The following BTF3L4 variants were observed in gnomAD, a reference collection of about 807,000 sequenced individuals.
BTF3L4 encodes the protein transcription factor BTF3 homolog 4.
BTF3L4 carries 6 observed loss-of-function variants against 16.8 expected under a neutral mutation model. The observed-to-expected ratio is 0.36, with a 90% confidence interval of 0.20 to 0.71. BTF3L4 has a LOEUF of 0.71. Among genes scored for constraint, BTF3L4 ranks in the 30% least tolerant of loss-of-function variants. BTF3L4 has a pLI of 0.58. For missense variants in BTF3L4, 92 were observed against 186.9 expected, an observed-to-expected ratio of 0.49 and a Z score of 2.96; for synonymous variants, 39 against 59.8, an observed-to-expected ratio of 0.65 and a Z score of 1.60.
In BTF3L4 at chr1:52,083,556, T is replaced by G; in HGVS notation, c.370+15T>G. The G allele has an allele frequency of 6.2e-7, 1 of 1,600,132 alleles. No individual in the cohort carries two copies. The highest frequency in any genetic ancestry group is 8.6e-7 in the Non-Finnish European group (1 of 1,168,432). Reference sequence around the variant, plus strand: ...CCCACGGCAAGGTAGGTATTTCAATTTAGTAAATCTTTCTCTCCCCACCTT... The same window carrying G: ...CCCACGGCAAGGTAGGTATTTCAATGTAGTAAATCTTTCTCTCCCCACCTT... On this transcript the variant is annotated intron_variant, in intron 4 of 5. Coordinates refer to ENST00000313334, the MANE Select transcript of BTF3L4 (RefSeq NM_152265.5).
intron 2 of BTF3L4, chr1:52,060,675 C>G: frequency 9.9e-7 from 1 of 1,014,238 alleles, no homozygotes; most frequent in Middle Eastern, 2.7e-4. Flanking sequence ...TAGGACACTA[C>G]TTTTTGTAGT....
At chr1:52,083,678 A>T in intron 4 of BTF3L4, 137 bp downstream of exon 4, 2 of 715,258 alleles carry the variant, frequency 2.8e-6, no homozygotes, top group South Asian at 3.9e-5. Flanking sequence ...TCTATGCTTC[A>T]TAAAATTTTG....
In BTF3L4 at chr1:52,083,371, T is replaced by C. The variant is rs754853340; in HGVS notation, c.200T>C (p.Ile67Thr). 11 of 1,613,408 alleles carry C rather than the reference T, an allele frequency of 6.8e-6. No individual in the cohort carries two copies. The African/African-American group carries it at 9.3e-5, about 14-fold the overall frequency. The change falls in exon 4 of 6, where the codon ATT (isoleucine) becomes ACT (threonine). Residue 67 changes from isoleucine to threonine, a missense_variant. Coordinates refer to ENST00000313334, the MANE Select transcript of BTF3L4 (RefSeq NM_152265.5). Reference protein sequence around the residue: ...VNMIKDDGTVIHFNNPKVQAS... With the variant: ...VNMIKDDGTVTHFNNPKVQAS... ...ATGATTAAAGATGATGGGACAGTTA[T>C]TCATTTCAACAATCCCAAAGTCCAA...
At chr1:52,066,224 C>T (rs1184487665) in intron 3 of BTF3L4, among the ~76,000 whole-genome samples, 4 of 152,004 alleles carry the variant, frequency 2.6e-5, no homozygotes, top group Admixed American at 6.6e-5. Flanking sequence ...GACAGAATCT[C>T]ACTCTGTCAC....
At chr1:52,074,325 G>C (rs968048075) in intron 3 of BTF3L4, among the ~76,000 whole-genome samples, 5 of 151,580 alleles carry the variant, frequency 3.3e-5, no homozygotes, top group African/African-American at 1.2e-4. Context: ...AAACTCCCAA[G>C]TAGTAGCCGG....
intron 3 of BTF3L4, among the ~76,000 whole-genome samples, chr1:52,078,506 T>G (rs1686988707): frequency 6.6e-6 from 1 of 152,178 alleles, no homozygotes; most frequent in Non-Finnish European, 1.5e-5. Flanking sequence ...TCTAGTATGG[T>G]CAGTGATTTA....
At chr1:52,058,308 C>T (rs545292947) in intron 1 of BTF3L4, among the ~76,000 whole-genome samples, 1 of 152,226 alleles carries the variant, frequency 6.6e-6, no homozygotes, top group East Asian at 1.9e-4. Context: ...ATCATAAATT[C>T]TAAATATTAT....
chr1:52,059,841 C>A lies in BTF3L4; in HGVS notation c.-7C>A. On this transcript the variant is annotated 5_prime_UTR_variant, in exon 2 of 6. Transcript: ENST00000313334. ...TCTATTTTTCCCCCCCTAGATTTAC[C>A]AACAGCATGAATCAAGAAAAGTTAG... The A allele has an allele frequency of 1.2e-6, 2 of 1,612,906 alleles. No homozygotes were observed. Among genetic ancestry groups the A allele is most frequent in the African/African-American group, 2.7e-5 (2 of 74,904 alleles).
At chr1:52,064,055 G>A (rs1415933176) in intron 2 of BTF3L4, among the ~76,000 whole-genome samples, 1 of 152,144 alleles carries the variant, frequency 6.6e-6, no homozygotes, top group African/African-American at 2.4e-5. Flanking sequence ...ACATAATCTG[G>A]TCCTTGCCTA....
rs1473732194 is a variant in BTF3L4 at position 52,088,483 on chromosome 1, G to A, written c.*1725G>A. On this transcript the variant is annotated 3_prime_UTR_variant, in exon 6 of 6. Transcript: ENST00000313334. The stretch of plus-strand genomic sequence containing the variant: ...CCTCCACCTGTAAATGAATGTTAGT[G>A]CAGTAATTGTTTGAAATAATGCCTC... The A allele has an allele frequency of 6.6e-6, 1 of 152,560 alleles. No homozygotes were observed. Among genetic ancestry groups the A allele is most frequent in the Non-Finnish European group, 1.5e-5 (1 of 68,024 alleles). The allele number at this position is 152,560 out of a possible 1,614,324, so 9.5% of individuals were successfully genotyped here. A position where few individuals can be genotyped will look rare whatever the true frequency, so the allele number is the denominator to read the frequency against.
intron 3 of BTF3L4, among the ~76,000 whole-genome samples, chr1:52,075,597 T>C (rs890737571): frequency 2.2e-4 from 32 of 147,266 alleles, no homozygotes; most frequent in Non-Finnish European, 1.0e-4. Context: ...ATATAAATTA[T>C]AGTAATTATA....
intron 2 of BTF3L4, among the ~76,000 whole-genome samples, chr1:52,062,855 T>C (rs1188978037): frequency 6.6e-6 from 1 of 152,236 alleles, no homozygotes; most frequent in Non-Finnish European, 1.5e-5. Flanking sequence ...GGGATAAAAC[T>C]GTTCCACCTT....
intron 2 of BTF3L4, among the ~76,000 whole-genome samples, chr1:52,062,976 C>G (rs1339976412): frequency 6.6e-6 from 1 of 152,226 alleles, no homozygotes; most frequent in Non-Finnish European, 1.5e-5. Flanking sequence ...TGCCGCTGAT[C>G]TGACTGGCTG....
intron 3 of BTF3L4, among the ~76,000 whole-genome samples, chr1:52,077,805 C>T (rs1406328952): frequency 6.6e-6 from 1 of 152,066 alleles, no homozygotes; most frequent in South Asian, 2.1e-4. Flanking sequence ...TATGCAGAGC[C>T]CAGCAAAGGT....
intron 4 of BTF3L4, among the ~76,000 whole-genome samples, chr1:52,083,832 C>A (rs930592026): frequency 6.6e-6 from 1 of 151,932 alleles, no homozygotes; most frequent in Non-Finnish European, 1.5e-5. Flanking sequence ...CCAGCCTGAC[C>A]GACATGGTGA....
chr1:52,088,913 A>ATTTTTTTT lies in BTF3L4; in HGVS notation c.*2166_*2173dup, dbSNP rs3991108. 7.8e-6 allele frequency: 1 copy of ATTTTTTTT among 128,670 alleles called. No individual in the cohort carries two copies. Among genetic ancestry groups the ATTTTTTTT allele is most frequent in the African/African-American group, 2.9e-5 (1 of 34,172 alleles). The allele number at this position is 128,670 out of a possible 1,614,324, so 8.0% of individuals were successfully genotyped here. On this transcript the variant is annotated 3_prime_UTR_variant, in exon 6 of 6. Coordinates refer to ENST00000313334, the MANE Select transcript of BTF3L4 (RefSeq NM_152265.5). ...TGTCTCAGCCTCCACAGTAGCTGGGATTTTTTTTTTTTTTTTTTGTATTTT... is the reference window on the plus strand; with the variant it reads ...TGTCTCAGCCTCCACAGTAGCTGGGATTTTTTTTTTTTTTTTTTTTTTTTTTGTATTTT...
At chr1:52,082,472 T>C (rs1643934003) in intron 3 of BTF3L4, among the ~76,000 whole-genome samples, 1 of 152,170 alleles carries the variant, frequency 6.6e-6, no homozygotes, top group Admixed American at 6.5e-5. Context: ...TGGTGGCTCA[T>C]GCCTGTAATC....
chr1:52,079,920 A>T (rs1448491159), intron 3 of BTF3L4, among the ~76,000 whole-genome samples: 1 of 134,670 alleles, frequency 7.4e-6, no homozygotes, highest in African/African-American at 2.8e-5. Context: ...CGCCCAGGCT[A>T]GAGTGCAATG....
intron 4 of BTF3L4, among the ~76,000 whole-genome samples, chr1:52,084,394 A>G (rs564134956): frequency 1.5e-4 from 23 of 152,082 alleles, no homozygotes; most frequent in African/African-American, 5.3e-4. Context: ...CCACCTACCT[A>G]CCGCCTCCCA....
Sources: allele counts gnomAD v4.1 joint callset (sites outside exome capture counted in the v4.1 genomes callset), GRCh38; gene constraint gnomAD v4.1.1; transcripts MANE v1.5; gene names NCBI Gene and HGNC (gene_info 2026-07-23, HGNC 2026-07-21).